The following TTLL5 variants were observed in gnomAD, a reference collection of about 807,000 sequenced individuals.
TTLL5 encodes the protein tubulin tyrosine ligase like 5.
Under a neutral mutation model 168.4 loss-of-function variants are expected in TTLL5, and 132 were observed. The observed-to-expected ratio is 0.78, with a 90% CI of 0.68 to 0.91. TTLL5 has a LOEUF of 0.91. TTLL5 is among the 40% of genes least tolerant of loss of function. The probability of loss-of-function intolerance (pLI) is 0.00; values close to 1 mark genes in which losing one functional copy is unlikely to be tolerated. For missense variants in TTLL5, 1,545 were observed against 1,581.5 expected (o/e 0.98, Z 0.39); for synonymous variants, 546 against 558.6 (o/e 0.98, Z 0.32).
At chr14:75,791,772 A>G (rs976362389) in intron 26 of TTLL5, among the ~76,000 whole-genome samples, 2 of 152,354 alleles carry the variant, frequency 1.3e-5, no homozygotes, top group East Asian at 3.9e-4. Context: ...AATCAGTTGT[A>G]TATGCAGAAT....
chr14:75,787,009 T>C (rs1356596738), intron 26 of TTLL5, among the ~76,000 whole-genome samples: 1 of 152,098 alleles, frequency 6.6e-6, no homozygotes, highest in African/African-American at 2.4e-5. Context: ...GGCGCTGGCC[T>C]GTAGTCCCAG....
At chr14:75,714,728 A>G (rs1030793429) in intron 9 of TTLL5, among the ~76,000 whole-genome samples, 1 of 152,150 alleles carries the variant, frequency 6.6e-6, no homozygotes, top group Non-Finnish European at 1.5e-5. Context: ...TTTCAGGCTC[A>G]TCTTGTTCTT....
At chr14:75,887,644 T>A (rs768550205) in intron 30 of TTLL5, among the ~76,000 whole-genome samples, 4 of 152,200 alleles carry the variant, frequency 2.6e-5, no homozygotes, top group Non-Finnish European at 5.9e-5. Context: ...CTGGAACTTA[T>A]ATGACCCGCT....
intron 29 of TTLL5, among the ~76,000 whole-genome samples, chr14:75,877,801 G>T (rs531212831): frequency 6.6e-6 from 1 of 152,232 alleles, no homozygotes; most frequent in Admixed American, 6.5e-5. Context: ...AGTTGGTGGG[G>T]CTGTAGGATT....
intron 30 of TTLL5, among the ~76,000 whole-genome samples, chr14:75,890,488 G>A (rs2032346360): frequency 6.6e-6 from 1 of 151,922 alleles, no homozygotes; most frequent in East Asian, 1.9e-4. Context: ...AGGAGAACAC[G>A]GCACACTATG....
intron 12 of TTLL5, among the ~76,000 whole-genome samples, chr14:75,725,284 G>A (rs1256136523): frequency 6.6e-6 from 1 of 152,126 alleles, no homozygotes; most frequent in Non-Finnish European, 1.5e-5. Flanking sequence ...TAAACTACTT[G>A]GCCACCCACA....
At chr14:75,929,465 T>TTC (rs67697302) in intron 31 of TTLL5, among the ~76,000 whole-genome samples, 5 of 149,070 alleles carry the variant, frequency 3.4e-5, no homozygotes, top group African/African-American at 1.3e-4. Context: ...TTTTTTTTTT[T>TTC]GGTGGGGATG....
intron 13 of TTLL5, among the ~76,000 whole-genome samples, chr14:75,733,053 C>T (rs1888644262): frequency 1.3e-5 from 2 of 152,310 alleles, no homozygotes; most frequent in South Asian, 4.1e-4. Context: ...ATGCCAAAGA[C>T]CACCCAGCTG....
At chr14:75,715,223 C>T (rs551248850) in intron 9 of TTLL5, among the ~76,000 whole-genome samples, 2 of 150,348 alleles carry the variant, frequency 1.3e-5, no homozygotes, top group Non-Finnish European at 2.9e-5. Flanking sequence ...AGAAAACCTC[C>T]TTGTGCTTCT....
At chr14:75,919,108 G>A (rs1480632964) in intron 31 of TTLL5, among the ~76,000 whole-genome samples, 2 of 140,236 alleles carry the variant, frequency 1.4e-5, no homozygotes, top group African/African-American at 2.7e-5. Context: ...GGCTGAGGCA[G>A]GAGAATTGCT....
chr14:75,901,769 G>A (rs1448252640), intron 30 of TTLL5, among the ~76,000 whole-genome samples: 7 of 152,142 alleles, frequency 4.6e-5, no homozygotes, highest in Non-Finnish European at 7.4e-5. Flanking sequence ...GTTTTCATAT[G>A]ATTTAGGTAA....
chr14:75,811,157 G>GAGTGTGTGTT (rs1555347973), intron 27 of TTLL5, among the ~76,000 whole-genome samples: 8 of 2,040 alleles, frequency 3.9e-3, no homozygotes, highest in Admixed American at 0.022. Context: ...GAAAGAAAGA[G>GAGTGTGTGTT]TGTGTGTGTG....
chr14:75,736,494 G>A (rs1221961942), intron 15 of TTLL5, among the ~76,000 whole-genome samples: 4 of 152,208 alleles, frequency 2.6e-5, no homozygotes, highest in African/African-American at 9.6e-5. Context: ...AGCCAAGAGT[G>A]ATATGACTGA....
intron 31 of TTLL5, among the ~76,000 whole-genome samples, chr14:75,927,181 A>G (rs2034102064): frequency 6.6e-6 from 1 of 152,202 alleles, no homozygotes. Context: ...ACAGGCATGC[A>G]ATGTGAAATA....
intron 15 of TTLL5, chr14:75,744,245 G>A (rs968805700): frequency 6.6e-6 from 1 of 152,114 alleles, no homozygotes; most frequent in South Asian, 2.1e-4. Context: ...TGGCAGATTT[G>A]TCTTATTTTT....
chr14:75,885,189 T>C (rs2032044295), intron 30 of TTLL5, among the ~76,000 whole-genome samples: 1 of 141,626 alleles, frequency 7.1e-6, no homozygotes. Context: ...AAATAATTAA[T>C]TAATTAAAAT....
rs541580342 is a variant in TTLL5, at chr14:75,768,075, A to G, written c.2015+1707A>G. 2.6e-5 allele frequency among the ~76,000 whole-genome samples: 4 copies of G among 152,340 alleles called. No homozygotes were observed. In the East Asian group the frequency reaches 7.7e-4, roughly 29 times the overall value. On this transcript the variant is annotated intron_variant, in intron 20 of 31. Transcript: ENST00000298832. ...GGACAGCTTTGTTGATCAAGGTTGAACAGGATTGTATAGTTGGTAGGTAAA... is the reference window on the plus strand; with the variant it reads ...GGACAGCTTTGTTGATCAAGGTTGAGCAGGATTGTATAGTTGGTAGGTAAA...
rs550889082 is a variant in TTLL5 at position 75,732,223 on chromosome 14, A to G, written c.1043-115A>G. ...TTCTCTGCTTCTACTTCCACTTGCTACTTACACTCAGTGAGTTTCTAGGCC... is the reference window on the plus strand; with the variant it reads ...TTCTCTGCTTCTACTTCCACTTGCTGCTTACACTCAGTGAGTTTCTAGGCC... On this transcript the variant is annotated intron_variant, in intron 12 of 31. Coordinates refer to ENST00000298832, the MANE Select transcript of TTLL5 (RefSeq NM_015072.5). 9 of 727,990 alleles carry G rather than the reference A, an allele frequency of 1.2e-5. No homozygotes were observed. In the South Asian group the frequency reaches 1.4e-4, roughly 12 times the overall value. The allele number at this position is 727,990 out of a possible 1,614,324, so 45.1% of individuals were successfully genotyped here.
chr14:75,791,679 C>G (rs980424477), intron 26 of TTLL5, among the ~76,000 whole-genome samples: 1 of 151,914 alleles, frequency 6.6e-6, no homozygotes, highest in African/African-American at 2.4e-5. Flanking sequence ...TTACAGTATG[C>G]ATATAACTAC....
Sources: gnomAD v4.1 joint callset for allele counts (sites outside exome capture counted in the v4.1 genomes callset) on GRCh38, gnomAD v4.1.1 for gene constraint, MANE v1.5 for transcripts, NCBI Gene and HGNC (gene_info 2026-07-23, HGNC 2026-07-21) for gene names.